Variants in CNTNAP2 observed in about 807,000 individuals in gnomAD.
CNTNAP2 encodes contactin associated protein 2.
Under a neutral mutation model 155.2 loss-of-function variants are expected in CNTNAP2, and 98 were observed. That is an observed-to-expected ratio of 0.63 (90% CI 0.54 to 0.75). The LOEUF (loss-of-function observed/expected upper bound fraction) is 0.75. Ranked by LOEUF, CNTNAP2 falls within the 30% of genes least tolerant of loss-of-function variation. The pLI, the probability that CNTNAP2 is intolerant of heterozygous loss-of-function variation, is 0.00. For synonymous variants in CNTNAP2, 651 were observed against 631.2 expected (o/e 1.03, Z -0.47); for missense variants, 1,727 against 1,688.1 (o/e 1.02, Z -0.40).
Position 147,108,218 on chromosome 7 carries a change from C to A in CNTNAP2, c.622C>A (p.Leu208Met), listed in dbSNP as rs992707860. ...ATTCAGAAACAAGAAGATGAAAACA[C>A]TGAAAGATGTCATTGCCTTGAACTT... Reference protein sequence around the residue: ...YRFRNKKMKTLKDVIALNFKT... With the variant: ...YRFRNKKMKTMKDVIALNFKT... The change falls in exon 5 of 24, where the codon CTG becomes ATG. Residue 208 changes from leucine (L) to methionine (M), a missense_variant. Transcript: ENST00000361727. The A allele has an allele frequency of 2.5e-6, 4 of 1,613,536 alleles. No individual in the cohort carries two copies. Among genetic ancestry groups the A allele is most frequent in the Non-Finnish European group, 2.5e-6 (3 of 1,179,752 alleles).
At chr7:147,240,286 C>G (rs1012628629) in intron 8 of CNTNAP2, among the ~76,000 whole-genome samples, 5 of 152,122 alleles carry the variant, frequency 3.3e-5, no homozygotes, top group African/African-American at 4.8e-5. Flanking sequence ...GATTGTGCCA[C>G]CGCACTCCAG....
chr7:146,339,396 C>T lies in CNTNAP2; in HGVS notation c.97+222423C>T, dbSNP rs144212398. Among the ~76,000 whole-genome samples, 342 of 152,122 alleles carry T rather than the reference C, an allele frequency of 2.2e-3. 2 individuals are homozygous for T. Among genetic ancestry groups the T allele is most frequent in the African/African-American group, 7.9e-3 (328 of 41,504 alleles). ...AAACCAAAAGTTTGATTTACCCAGA[C>T]GTTGAGGTTTTTTCTTTTATGGGAT... On this transcript the variant is annotated intron_variant, in intron 1 of 23. Transcript: ENST00000361727.
At chr7:147,669,958 T>C (rs1373926930) in intron 13 of CNTNAP2, among the ~76,000 whole-genome samples, 1 of 152,214 alleles carries the variant, frequency 6.6e-6, no homozygotes, top group Non-Finnish European at 1.5e-5. Flanking sequence ...CTGCTTTCTC[T>C]GTACTCTTCT....
intron 1 of CNTNAP2, among the ~76,000 whole-genome samples, chr7:146,399,605 C>A (rs1307565756): frequency 6.6e-6 from 1 of 152,084 alleles, no homozygotes; most frequent in Non-Finnish European, 1.5e-5. Flanking sequence ...CTAAAAGTTG[C>A]CTGTTTTAAA....
intron 1 of CNTNAP2, among the ~76,000 whole-genome samples, chr7:146,195,980 C>T (rs1798769570): frequency 6.6e-6 from 1 of 152,194 alleles, no homozygotes; most frequent in South Asian, 2.1e-4. Flanking sequence ...TCATCCATGG[C>T]AGTCTACTGC....
chr7:146,665,783 T>TAAAAAAACAAAAAACAAAAAAAAAA (rs1554464843), intron 1 of CNTNAP2, among the ~76,000 whole-genome samples: 1 of 48,282 alleles, frequency 2.1e-5, no homozygotes, highest in African/African-American at 1.1e-4. Flanking sequence ...TCTGTCTCAT[T>TAAAAAAACAAAAAACAAAAAAAAAA]AAAAAAAAAA....
chr7:146,213,666 G>A (rs898438004), intron 1 of CNTNAP2, among the ~76,000 whole-genome samples: 1 of 152,052 alleles, frequency 6.6e-6, no homozygotes, highest in African/African-American at 2.4e-5. Context: ...AACCCAATGG[G>A]AACTAGATTC....
At chr7:147,461,624 C>A (rs1248206127) in intron 10 of CNTNAP2, among the ~76,000 whole-genome samples, 2 of 150,970 alleles carry the variant, frequency 1.3e-5, no homozygotes, top group Non-Finnish European at 2.9e-5. Context: ...AGTAGTCCAG[C>A]TTTGGGGGCA....
At chr7:147,401,786 C>T (rs898739040) in intron 10 of CNTNAP2, among the ~76,000 whole-genome samples, 2 of 152,154 alleles carry the variant, frequency 1.3e-5, no homozygotes, top group Admixed American at 1.3e-4. Context: ...CTCCTGCTGC[C>T]ATGTAAGATG....
intron 10 of CNTNAP2, among the ~76,000 whole-genome samples, chr7:147,437,007 A>C (rs1441005204): frequency 6.6e-6 from 1 of 152,128 alleles, no homozygotes; most frequent in Non-Finnish European, 1.5e-5. Flanking sequence ...AAGGGAAGTT[A>C]GGGACCTAGA....
intron 1 of CNTNAP2, among the ~76,000 whole-genome samples, chr7:146,644,514 C>T (rs1297871778): frequency 6.6e-6 from 1 of 152,086 alleles, no homozygotes; most frequent in African/African-American, 2.4e-5. Context: ...CCCTCTTGAT[C>T]ATGGTGGATA....
intron 1 of CNTNAP2, among the ~76,000 whole-genome samples, chr7:146,709,078 C>T (rs1159129728): frequency 6.6e-6 from 1 of 152,104 alleles, no homozygotes; most frequent in African/African-American, 2.4e-5. Flanking sequence ...CATCATTTAT[C>T]TGGGTAACAT....
chr7:146,433,828 A>G (rs1796205188), intron 1 of CNTNAP2, among the ~76,000 whole-genome samples: 1 of 152,180 alleles, frequency 6.6e-6, no homozygotes, highest in African/African-American at 2.4e-5. Context: ...GAATAAATGT[A>G]TGTACACAAA....
chr7:146,749,961 C>T (rs956627711), intron 1 of CNTNAP2, among the ~76,000 whole-genome samples: 2 of 152,152 alleles, frequency 1.3e-5, no homozygotes, highest in African/African-American at 4.8e-5. Flanking sequence ...GGCACAGTTT[C>T]TTCATGTTTA....
chr7:146,988,566 G>T (rs566921868), intron 3 of CNTNAP2, among the ~76,000 whole-genome samples: 1 of 152,154 alleles, frequency 6.6e-6, no homozygotes, highest in Non-Finnish European at 1.5e-5. Context: ...GACTTATTTG[G>T]GTAGGGGGTA....
intron 1 of CNTNAP2, among the ~76,000 whole-genome samples, chr7:146,632,327 A>G (rs1289934233): frequency 6.6e-6 from 1 of 152,202 alleles, no homozygotes; most frequent in African/African-American, 2.4e-5. Flanking sequence ...TTGTTATTTT[A>G]CAGTAAGAAA....
intron 12 of CNTNAP2, among the ~76,000 whole-genome samples, chr7:147,611,509 G>C (rs1426227965): frequency 1.3e-5 from 2 of 152,172 alleles, no homozygotes; most frequent in Non-Finnish European, 2.9e-5. Context: ...CTTCTTCCTA[G>C]AAAATGGCTA....
chr7:147,907,218 G>A (rs1020217299), intron 14 of CNTNAP2, among the ~76,000 whole-genome samples: 1 of 151,936 alleles, frequency 6.6e-6, no homozygotes, highest in African/African-American at 2.4e-5. Flanking sequence ...CACCACGCCT[G>A]GCTTATTTTT....
chr7:148,364,128 C>A (rs756493678), intron 21 of CNTNAP2, among the ~76,000 whole-genome samples: 177 of 152,304 alleles, frequency 1.2e-3, no homozygotes, highest in East Asian at 4.3e-3. Context: ...CGAGCCTCCC[C>A]GACGAGCGCC....
Sources: allele counts gnomAD v4.1 joint callset (sites outside exome capture counted in the v4.1 genomes callset), GRCh38; gene constraint gnomAD v4.1.1; transcripts MANE v1.5; gene names NCBI Gene and HGNC (gene_info 2026-07-23, HGNC 2026-07-21).